SVEP1: variants seen among roughly 807,000 people sequenced by gnomAD.
SVEP1 encodes the protein sushi, von Willebrand factor type A, EGF and pentraxin domain containing 1.
In SVEP1, 164 loss-of-function variants were observed where a neutral mutation model predicts 367.3. The ratio of observed to expected loss-of-function variants is 0.45; its 90% confidence interval spans 0.39 to 0.51. The LOEUF (loss-of-function observed/expected upper bound fraction) is 0.51, where lower values mean the gene tolerates loss of function less well. SVEP1 is among the 20% of genes least tolerant of loss of function. The probability of loss-of-function intolerance (pLI) is 0.00; values close to 1 mark genes in which losing one functional copy is unlikely to be tolerated. For missense variants in SVEP1, 4,117 were observed against 4,425.3 expected, an observed-to-expected ratio of 0.93 and a Z score of 1.98; for synonymous variants, 1,666 against 1,611.6, an observed-to-expected ratio of 1.03 and a Z score of -0.81.
In SVEP1 at chr9:110,399,364, G is replaced by A. The variant is rs139104379; in HGVS notation, c.9822+1490C>T. ...CTGTTGTGGGGTCGGGGGAGGGATA[G>A]CATTAGGAGATATACCTAATGCTAA... On this transcript the variant is annotated intron_variant, in intron 40 of 47. Transcript: ENST00000374469. Among the ~76,000 whole-genome samples, 187 of 151,744 alleles carry A rather than the reference G, an allele frequency of 1.2e-3. 3 individuals are homozygous for A. The East Asian group carries it at 0.034, about 27-fold the overall frequency.
intron 40 of SVEP1, among the ~76,000 whole-genome samples, chr9:110,396,498 C>A (rs1827762078): frequency 6.6e-6 from 1 of 152,014 alleles, no homozygotes; most frequent in African/African-American, 2.4e-5. Context: ...TAACTAAGAT[C>A]AGAGCAGAAC....
chr9:110,504,020 TTTTTATTTTATTTTA>T (rs36224388), intron 5 of SVEP1, among the ~76,000 whole-genome samples: 36 of 148,536 alleles, frequency 2.4e-4, no homozygotes, highest in East Asian at 1.8e-3. Context: ...GCTTTTTATT[TTTTTATTTTATTTTA>T]TTTTATTTTA....
chr9:110,480,634 T>C (rs1177717544), intron 12 of SVEP1, among the ~76,000 whole-genome samples: 1 of 152,032 alleles, frequency 6.6e-6, no homozygotes, highest in African/African-American at 2.4e-5. Context: ...GAGAGTTTTT[T>C]CTCTATTTTT....
At position 110,429,360 on chromosome 9, in the gene SVEP1, G is replaced by A. The variant is rs906740009; in HGVS notation, c.5616-26C>T. On this transcript the variant is annotated intron_variant, in intron 34 of 47. Transcript: ENST00000374469. ...CTAAAGAAGATAGAGGAAAATTACA[G>A]GATATAATTTGCTTTATTTTGCATG... 3.4e-6 allele frequency: 5 copies of A among 1,456,358 alleles called. No individual in the cohort carries two copies. The Admixed American group carries it at 1.4e-4, about 40-fold the overall frequency. The allele number at this position is 1,456,358 out of a possible 1,614,324, so 90.2% of individuals were successfully genotyped here. A position where few individuals can be genotyped will look rare whatever the true frequency, so the allele number is the denominator to read the frequency against.
rs1288659494 is a variant in SVEP1, at chr9:110,407,539, T to G, written c.8061A>C (p.Pro2687=). The change falls in exon 38 of 48, where the codon CCA becomes CCC. Residue 2687 remains proline, a synonymous_variant. Transcript: ENST00000374469. Reference sequence around the variant, plus strand: ...CAGGGTTCCCCAGAAGTTCATATCCTGGATTACAGGTGTATGAAACCATGG... The same window carrying G: ...CAGGGTTCCCCAGAAGTTCATATCCGGGATTACAGGTGTATGAAACCATGG... ...YGTMVSYTCN[P]GYELLGNPVL... The G allele has an allele frequency of 6.2e-7, 1 of 1,614,014 alleles. No homozygotes were observed. Among genetic ancestry groups the G allele is most frequent in the South Asian group, 1.1e-5 (1 of 91,082 alleles).
intron 40 of SVEP1, 22 bp downstream of exon 40, chr9:110,400,822 ATTATTTCTAG>A: frequency 6.3e-7 from 1 of 1,581,792 alleles, no homozygotes; most frequent in Non-Finnish European, 8.6e-7. Flanking sequence ...GGAAAAACAA[ATTATTTCTAG>A]TTAAACAATT....
chr9:110,402,034 T>C (rs1352589891), intron 39 of SVEP1, among the ~76,000 whole-genome samples: 1 of 152,226 alleles, frequency 6.6e-6, no homozygotes, highest in South Asian at 2.1e-4. Flanking sequence ...TTGTAAGTAA[T>C]GCCTTAATAA....
At chr9:110,429,653 A>C (rs1828321018) in intron 34 of SVEP1, among the ~76,000 whole-genome samples, 1 of 152,176 alleles carries the variant, frequency 6.6e-6, no homozygotes, top group African/African-American at 2.4e-5. Context: ...AGTATTCATT[A>C]GCTAGGAGCA....
chr9:110,427,996 T>G (rs1449068709), intron 35 of SVEP1, among the ~76,000 whole-genome samples: 1 of 152,098 alleles, frequency 6.6e-6, no homozygotes, highest in Non-Finnish European at 1.5e-5. Context: ...TGGTGCATAG[T>G]AAAATATTGA....
At chr9:110,545,756 C>A (rs1250982427) in intron 3 of SVEP1, among the ~76,000 whole-genome samples, 2 of 152,184 alleles carry the variant, frequency 1.3e-5, no homozygotes, top group African/African-American at 4.8e-5. Flanking sequence ...GCCTTACAAG[C>A]TTCCATTCTT....
chr9:110,413,958 T>C (rs1828081756), intron 36 of SVEP1, among the ~76,000 whole-genome samples: 1 of 152,036 alleles, frequency 6.6e-6, no homozygotes, highest in Non-Finnish European at 1.5e-5. Flanking sequence ...GAATGGTGGT[T>C]CAGACAGGCT....
At chr9:110,458,212 C>T (rs1828806890) in intron 20 of SVEP1, 1 of 587,048 alleles carries the variant, frequency 1.7e-6, no homozygotes, top group East Asian at 3.3e-5. Flanking sequence ...AATCAAAAGG[C>T]TCCCCCTGGA....
At position 110,403,296 on chromosome 9, in the gene SVEP1, GTTTTTTTTTTTT is replaced by G. The variant is rs71371665; in HGVS notation, c.9666+1019_9666+1030del. On this transcript the variant is annotated intron_variant, in intron 39 of 47. Coordinates refer to ENST00000374469, the MANE Select transcript of SVEP1 (RefSeq NM_153366.4). The stretch of plus-strand genomic sequence containing the variant: ...TGATGATTCCTTCCCCGCCACCGCC[GTTTTTTTTTTTT>G]TTTTTTTTTTTTTTTGACACGGAGT... 2.0e-3 allele frequency among the ~76,000 whole-genome samples: 89 copies of G among 43,464 alleles called. 1 individual carries two copies. The highest frequency in any genetic ancestry group is 9.2e-3 in the African/African-American group (77 of 8,396). 28.5% of individuals were successfully genotyped at this position (43,464 alleles called of 152,430 possible). A position where few individuals can be genotyped will look rare whatever the true frequency, so the allele number is the denominator to read the frequency against.
chr9:110,457,848 G>A (rs1828799942), intron 20 of SVEP1, among the ~76,000 whole-genome samples: 1 of 152,150 alleles, frequency 6.6e-6, no homozygotes, highest in Admixed American at 6.5e-5. Flanking sequence ...GCTGTAGGAA[G>A]TTGTAATCAG....
rs1828668464 is a variant in SVEP1, at chr9:110,450,085, G to A, written c.4077C>T (p.Thr1359=). The A allele has an allele frequency of 1.2e-6, 2 of 1,613,788 alleles. No individual in the cohort carries two copies. The highest frequency in any genetic ancestry group is 2.7e-5 in the African/African-American group (2 of 74,926). ...CLSQPCKNGA[T]CKDGANSFRC... is the part of the protein sequence containing the mutation. ...TGAAGCTATTGGCACCGTCTTTACA[G>A]GTAGCTCCATTTTTGCATGGCTGAC... The change falls in exon 24 of 48, where the codon ACC becomes ACT. Residue 1359 remains threonine (T), a synonymous_variant. Coordinates refer to ENST00000374469, the MANE Select transcript of SVEP1 (RefSeq NM_153366.4).
chr9:110,531,447 C>T (rs568960175), intron 3 of SVEP1, among the ~76,000 whole-genome samples: 4 of 152,178 alleles, frequency 2.6e-5, no homozygotes, highest in East Asian at 3.9e-4. Context: ...ATGCTGTTCT[C>T]GTGACAGTGA....
intron 9 of SVEP1, 57 bp downstream of exon 9, chr9:110,489,593 G>A: frequency 6.5e-7 from 1 of 1,533,182 alleles, no homozygotes; most frequent in Non-Finnish European, 8.8e-7. Context: ...GGGAATTATG[G>A]GAGCCACAGT....
At chr9:110,472,777 G>A (rs1829040070) in intron 14 of SVEP1, among the ~76,000 whole-genome samples, 1 of 152,034 alleles carries the variant, frequency 6.6e-6, no homozygotes, top group African/African-American at 2.4e-5. Context: ...TACTCAAGAT[G>A]CTTTCATCAT....
rs1027216941 is a variant in SVEP1, at chr9:110,434,686, A to C, written c.4889-180T>G. On this transcript the variant is annotated intron_variant, in intron 29 of 47. Transcript: ENST00000374469. ...ATCACTAAAAAAAAAAAAAAAAAAAAGCATTTAAGTCAATAACTCTCCCTC... is the reference window on the plus strand; with the variant it reads ...ATCACTAAAAAAAAAAAAAAAAAAACGCATTTAAGTCAATAACTCTCCCTC... Among the ~76,000 whole-genome samples, 5 of 149,486 alleles carry C rather than the reference A, an allele frequency of 3.3e-5. 1 individual carries two copies. In the Admixed American group the frequency reaches 3.4e-4, roughly 10 times the overall value.
Sources: allele counts gnomAD v4.1 joint callset (sites outside exome capture counted in the v4.1 genomes callset), GRCh38; gene constraint gnomAD v4.1.1; transcripts MANE v1.5; gene names NCBI Gene and HGNC (gene_info 2026-07-23, HGNC 2026-07-21).